Variants in SGIP1 observed in about 807,000 individuals in gnomAD.
SGIP1 encodes the protein SH3-containing GRB2-like protein 3-interacting protein 1.
A neutral mutation model predicts 107.5 loss-of-function variants in SGIP1; 38 were observed. That is an observed-to-expected ratio of 0.35 (90% CI 0.27 to 0.46). The LOEUF (loss-of-function observed/expected upper bound fraction) is 0.46. SGIP1 is among the 20% of genes least tolerant of loss of function. SGIP1 has a pLI of 1.00. For synonymous variants in SGIP1, 365 were observed against 366.1 expected, an observed-to-expected ratio of 1.00 and a Z score of 0.03; for missense variants, 929 against 1,019.5, an observed-to-expected ratio of 0.91 and a Z score of 1.21.
intron 2 of SGIP1, among the ~76,000 whole-genome samples, chr1:66,630,612 G>A (rs1360366464): frequency 6.6e-6 from 1 of 151,372 alleles, no homozygotes; most frequent in Non-Finnish European, 1.5e-5. Flanking sequence ...TTTGAGACCA[G>A]CCTGGCCAAC....
chr1:66,574,093 T>C (rs975080513), intron 1 of SGIP1, among the ~76,000 whole-genome samples: 6 of 152,128 alleles, frequency 3.9e-5, no homozygotes, highest in Non-Finnish European at 7.4e-5. Context: ...GTATTCCTGG[T>C]AGGTGAGGAG....
chr1:66,578,578 G>A (rs2061398250), intron 1 of SGIP1, among the ~76,000 whole-genome samples: 1 of 152,118 alleles, frequency 6.6e-6, no homozygotes, highest in African/African-American at 2.4e-5. Flanking sequence ...GACATTAACT[G>A]ACTTACTTAG....
chr1:66,651,916 C>G (rs1007249021), intron 7 of SGIP1, among the ~76,000 whole-genome samples: 4 of 152,114 alleles, frequency 2.6e-5, no homozygotes, highest in African/African-American at 9.7e-5. Flanking sequence ...TTGGCAAGCA[C>G]TTTTTATGTC....
At position 66,747,292 on chromosome 1, in the gene SGIP1, A is replaced by G. The variant is rs1050974542; in HGVS notation, c.*4197A>G. The G allele has an allele frequency of 1.3e-5, 2 of 152,076 alleles. No individual in the cohort carries two copies. The highest frequency in any genetic ancestry group is 1.3e-4 in the Admixed American group (2 of 15,274). 9.4% of individuals were successfully genotyped at this position (152,076 alleles called of 1,614,324 possible). A position where few individuals can be genotyped will look rare whatever the true frequency, so the allele number is the denominator to read the frequency against. Reference sequence around the variant, plus strand: ...AGGTCCTTCTTAGTTCTGACATTATATCAGATTTTAAGCATTAAATTCTAA... The same window carrying G: ...AGGTCCTTCTTAGTTCTGACATTATGTCAGATTTTAAGCATTAAATTCTAA... On this transcript the variant is annotated 3_prime_UTR_variant, in exon 25 of 25. Coordinates refer to ENST00000371037, the MANE Select transcript of SGIP1 (RefSeq NM_032291.4).
chr1:66,549,515 G>A (rs1334262969), intron 1 of SGIP1, among the ~76,000 whole-genome samples: 1 of 152,118 alleles, frequency 6.6e-6, no homozygotes, highest in African/African-American at 2.4e-5. Context: ...AAGTCAAAGT[G>A]GCAAGCATTA....
intron 2 of SGIP1, chr1:66,628,548 G>A (rs1049735505): frequency 1.1e-4 from 17 of 154,800 alleles, no homozygotes; most frequent in Non-Finnish European, 2.1e-4. Flanking sequence ...GGAGAACATC[G>A]TTAATGGAAA....
At chr1:66,625,996 T>G in intron 2 of SGIP1, 86 bp downstream of exon 2, 1 of 985,170 alleles carries the variant, frequency 1.0e-6, no homozygotes. Context: ...TGGCCACAGT[T>G]TTCTCGGATA....
chr1:66,583,951 G>A (rs138955943), intron 1 of SGIP1, among the ~76,000 whole-genome samples: 1 of 152,228 alleles, frequency 6.6e-6, no homozygotes, highest in East Asian at 1.9e-4. Flanking sequence ...GGCTAAACTT[G>A]GGACATTTTT....
intron 1 of SGIP1, among the ~76,000 whole-genome samples, chr1:66,559,197 G>A (rs561635754): frequency 1.3e-5 from 2 of 152,168 alleles, no homozygotes; most frequent in South Asian, 2.1e-4. Flanking sequence ...GATGCAGAAG[G>A]TCAGGGGTGG....
chr1:66,717,750 T>G (rs1253417549), intron 18 of SGIP1, among the ~76,000 whole-genome samples: 1 of 152,190 alleles, frequency 6.6e-6, no homozygotes, highest in Non-Finnish European at 1.5e-5. Context: ...ATAAAGTCTT[T>G]GAGCCTTGGT....
At chr1:66,553,236 C>T (rs907651663) in intron 1 of SGIP1, among the ~76,000 whole-genome samples, 3 of 152,008 alleles carry the variant, frequency 2.0e-5, no homozygotes, top group Non-Finnish European at 4.4e-5. Flanking sequence ...TATATGCATG[C>T]GGGGAACAGA....
In SGIP1 at chr1:66,635,981, C is replaced by G; in HGVS notation, c.137C>G (p.Ala46Gly). 1 of 1,613,802 alleles carries G rather than the reference C, an allele frequency of 6.2e-7. No individual in the cohort carries two copies. The highest frequency in any genetic ancestry group is 8.5e-7 in the Non-Finnish European group (1 of 1,179,874). The change falls in exon 4 of 25, where the codon GCA (alanine) becomes GGA (glycine). Residue 46 changes from alanine (A) to glycine (G), a missense_variant. This residue lies in a region of SGIP1 where 588 missense variants were observed against 588.6 expected (regional missense o/e 1.00). Transcript: ENST00000371037. The stretch of plus-strand genomic sequence containing the variant: ...CACGAACCACCCTACAATAGCAAAG[C>G]AGAGTGTGCGCGTGAAGGAGGAAAA... ...SPHEPPYNSK[A>G]ECAREGGKKV...
intron 8 of SGIP1, among the ~76,000 whole-genome samples, chr1:66,661,500 A>G (rs1040764609): frequency 2.6e-5 from 4 of 152,236 alleles, no homozygotes; most frequent in African/African-American, 9.7e-5. Flanking sequence ...ATATGAGACC[A>G]AAACATTAAA....
rs1019373826 is a variant in SGIP1, at chr1:66,635,925, T to C, written c.100-19T>C. 20 of 1,613,084 alleles carry C rather than the reference T, an allele frequency of 1.2e-5. No individual in the cohort carries two copies. The highest frequency in any genetic ancestry group is 1.7e-5 in the Non-Finnish European group (20 of 1,179,544). On this transcript the variant is annotated intron_variant, in intron 3 of 24. Coordinates refer to ENST00000371037, the MANE Select transcript of SGIP1 (RefSeq NM_032291.4). ...GATCTTTTAACCACTTTTTTCTACA[T>C]GAAAACAATCAATTCCAGCAGCCCA...
intron 1 of SGIP1, among the ~76,000 whole-genome samples, chr1:66,574,340 A>G (rs764181972): frequency 1.3e-5 from 2 of 152,132 alleles, no homozygotes; most frequent in African/African-American, 2.4e-5. Flanking sequence ...GTATACAGGA[A>G]GGAGAGTAAG....
At chr1:66,741,094 A>G (rs1452931686) in intron 23 of SGIP1, among the ~76,000 whole-genome samples, 178 bp from the exon 24 acceptor site, 1 of 152,236 alleles carries the variant, frequency 6.6e-6, no homozygotes, top group Non-Finnish European at 1.5e-5. Context: ...TCATGGAAGT[A>G]CACTTTTACC....
At position 66,749,794 on chromosome 1, in the gene SGIP1, A is replaced by G. The variant is rs1348697269; in HGVS notation, c.*6699A>G. Among the ~76,000 whole-genome samples, 1 of 152,068 alleles carries G rather than the reference A, an allele frequency of 6.6e-6. No homozygotes were observed. Among genetic ancestry groups the G allele is most frequent in the Non-Finnish European group, 1.5e-5 (1 of 67,996 alleles). ...AAATGCTTGATGTTATTCATTCACC[A>G]TCACTCTAAGGTATTTTAAATCATA... On this transcript the variant is annotated 3_prime_UTR_variant, in exon 25 of 25. Transcript: ENST00000371037.
chr1:66,536,151 G>T (rs141827457), intron 1 of SGIP1, among the ~76,000 whole-genome samples: 156 of 152,334 alleles, frequency 1.0e-3, no homozygotes, highest in Non-Finnish European at 2.0e-3. Context: ...AATGAGAACT[G>T]CAACAAAGAC....
At chr1:66,736,359 T>C (rs1450257305) in intron 21 of SGIP1, among the ~76,000 whole-genome samples, 1 of 142,306 alleles carries the variant, frequency 7.0e-6, no homozygotes, top group Admixed American at 7.5e-5. Flanking sequence ...TATGTGAATA[T>C]AATATGATAT....
Sources: gnomAD v4.1 joint callset for allele counts (sites outside exome capture counted in the v4.1 genomes callset) on GRCh38, gnomAD v4.1.1 for gene constraint, gnomAD v4.1.1 regional missense constraint, MANE v1.5 for transcripts, NCBI Gene and HGNC (gene_info 2026-07-23, HGNC 2026-07-21) for gene names.